Variants in PTPRJ observed in about 807,000 individuals in gnomAD.
The protein encoded by PTPRJ is protein tyrosine phosphatase receptor type J, also known as receptor-type tyrosine-protein phosphatase eta.
PTPRJ carries 129 observed loss-of-function variants against 141.3 expected under a neutral mutation model. That is an observed-to-expected ratio of 0.91 (90% CI 0.79 to 1.06). The LOEUF (loss-of-function observed/expected upper bound fraction) is 1.06, where lower values mean the gene tolerates loss of function less well. PTPRJ is among the 50% of genes least tolerant of loss of function. The pLI is 0.00. For missense variants in PTPRJ, 1,601 were observed against 1,679.7 expected (o/e 0.95, Z 0.82); for synonymous variants, 610 against 640.5 (o/e 0.95, Z 0.72).
rs200760986 is a variant in PTPRJ at position 48,083,857 on chromosome 11, A to T, written c.97-26201A>T. Among the ~76,000 whole-genome samples the T allele has an allele frequency of 4.6e-5, 7 of 152,334 alleles. No individual in the cohort carries two copies. In the East Asian group the frequency reaches 1.3e-3, roughly 29 times the overall value. ...CCTGGGACTCTTGGGGATTCCTGAG[A>T]TCCTTTTAGGGATCTGTGAGGTCTG... is the stretch of plus-strand genomic sequence containing the variant. On this transcript the variant is annotated intron_variant, in intron 1 of 24. Transcript: ENST00000418331.
intron 7 of PTPRJ, among the ~76,000 whole-genome samples, chr11:48,128,484 G>T (rs1856896260): frequency 6.6e-6 from 1 of 152,048 alleles, no homozygotes; most frequent in African/African-American, 2.4e-5. Flanking sequence ...ATCTTTGTTT[G>T]TTTAAATGTC....
At chr11:48,129,889 A>G (rs1332522699) in intron 7 of PTPRJ, among the ~76,000 whole-genome samples, 1 of 152,088 alleles carries the variant, frequency 6.6e-6, no homozygotes, top group African/African-American at 2.4e-5. Context: ...CTTAAAGGAC[A>G]CTTCCTAGAA....
At chr11:48,048,591 C>T (rs531495411) in intron 1 of PTPRJ, among the ~76,000 whole-genome samples, 4 of 152,138 alleles carry the variant, frequency 2.6e-5, no homozygotes, top group Middle Eastern at 3.4e-3. Context: ...CCCAGGAGTT[C>T]GACACCAGCC....
At chr11:48,021,327 T>TCACG (rs1260860675) in intron 1 of PTPRJ, among the ~76,000 whole-genome samples, 2 of 150,974 alleles carry the variant, frequency 1.3e-5, no homozygotes, top group African/African-American at 4.9e-5. Context: ...TGAGCCAAGA[T>TCACG]CACGCCATTG....
chr11:48,119,050 G>T (rs1195512111), intron 3 of PTPRJ, among the ~76,000 whole-genome samples: 1 of 150,682 alleles, frequency 6.6e-6, no homozygotes, highest in Non-Finnish European at 1.5e-5. Flanking sequence ...AGAAATAATG[G>T]TGCCATACCT....
At chr11:48,023,801 A>G (rs1281790251) in intron 1 of PTPRJ, among the ~76,000 whole-genome samples, 1 of 151,274 alleles carries the variant, frequency 6.6e-6, no homozygotes, top group Non-Finnish European at 1.5e-5. Context: ...TAAATAAATA[A>G]ATAAATAAAT....
chr11:48,074,976 G>C (rs186477295), intron 1 of PTPRJ, among the ~76,000 whole-genome samples: 2 of 152,086 alleles, frequency 1.3e-5, no homozygotes, highest in Non-Finnish European at 2.9e-5. Flanking sequence ...GCTGTCAGTC[G>C]TTTGGCCAGG....
At chr11:47,982,062 G>A (rs376320791) in intron 1 of PTPRJ, among the ~76,000 whole-genome samples, 1 of 151,516 alleles carries the variant, frequency 6.6e-6, no homozygotes, top group Non-Finnish European at 1.5e-5. Context: ...CTTCTCCAGC[G>A]CGAATACAGG....
Position 48,121,154 on chromosome 11 carries a change from A to C in PTPRJ, c.504A>C (p.Gln168His). 6.2e-7 allele frequency: 1 copy of C among 1,614,184 alleles called. No homozygotes were observed. The highest frequency in any genetic ancestry group is 8.5e-7 in the Non-Finnish European group (1 of 1,180,012). The change falls in exon 4 of 25, where the codon CAA becomes CAC. Residue 168 changes from glutamine (Q) to histidine (H), a missense_variant. Transcript: ENST00000418331. ...AGAAGACAATTACTGTTGTGCATCA[A>C]CCATGGTGTAACATCACAGGCTTAC... ...ENEKTITVVH[Q>H]PWCNITGLRP...
At chr11:47,982,358 G>A (rs186557186) in intron 1 of PTPRJ, among the ~76,000 whole-genome samples, 1 of 152,204 alleles carries the variant, frequency 6.6e-6, no homozygotes, top group Non-Finnish European at 1.5e-5. Flanking sequence ...AATGAGTATA[G>A]CACCCTCTGC....
rs1199100137 is a variant in PTPRJ, at chr11:48,001,131, C to CT, written c.96+20124dup. Among the ~76,000 whole-genome samples, 4 of 151,726 alleles carry CT rather than the reference C, an allele frequency of 2.6e-5. No individual in the cohort carries two copies. In the East Asian group the frequency reaches 7.7e-4, roughly 29 times the overall value. ...TCCTCAGCCTCCCCAGTAGTTGGGA[C>CT]TACAGGCATGTGCCATTACACCTAG... On this transcript the variant is annotated intron_variant, in intron 1 of 24. Transcript: ENST00000418331.
At chr11:48,014,285 A>T (rs1328728591) in intron 1 of PTPRJ, 2 of 152,186 alleles carry the variant, frequency 1.3e-5, no homozygotes, top group Non-Finnish European at 2.9e-5. Context: ...CTCTGGCCTG[A>T]ACAAAATCAA....
intron 1 of PTPRJ, among the ~76,000 whole-genome samples, chr11:48,085,006 G>A (rs1206228187): frequency 1.3e-5 from 2 of 152,140 alleles, no homozygotes; most frequent in South Asian, 2.1e-4. Flanking sequence ...CACATTCCAC[G>A]ATGCAGAGAA....
chr11:48,129,830 C>T (rs534093650), intron 7 of PTPRJ, among the ~76,000 whole-genome samples: 1 of 152,190 alleles, frequency 6.6e-6, no homozygotes, highest in African/African-American at 2.4e-5. Flanking sequence ...GTCATTGCAT[C>T]CACACTACAG....
intron 1 of PTPRJ, among the ~76,000 whole-genome samples, chr11:48,000,635 A>G (rs1306010389): frequency 1.3e-5 from 2 of 151,778 alleles, no homozygotes; most frequent in Non-Finnish European, 2.9e-5. Context: ...CACAGACTAC[A>G]GTCACCTGGC....
intron 3 of PTPRJ, among the ~76,000 whole-genome samples, 173 bp downstream of exon 3, chr11:48,113,156 T>A (rs1856482218): frequency 6.6e-6 from 1 of 152,200 alleles, no homozygotes; most frequent in African/African-American, 2.4e-5. Context: ...AAGAAAAGAA[T>A]AACAAGTAAA....
chr11:48,095,823 C>T (rs952144235), intron 1 of PTPRJ, among the ~76,000 whole-genome samples: 1 of 152,158 alleles, frequency 6.6e-6, no homozygotes. Flanking sequence ...TCAGGTGATC[C>T]ACCCACCTCG....
intron 1 of PTPRJ, among the ~76,000 whole-genome samples, chr11:48,050,893 T>C (rs896674025): frequency 2.0e-5 from 3 of 151,986 alleles, no homozygotes; most frequent in Non-Finnish European, 2.9e-5. Context: ...AGCAGGCAGC[T>C]TTTAGGGGGT....
At chr11:48,019,010 C>CGT (rs1346907588) in intron 1 of PTPRJ, among the ~76,000 whole-genome samples, 45 of 151,810 alleles carry the variant, frequency 3.0e-4, no homozygotes, top group African/African-American at 1.1e-3. Context: ...CGTGTACGTG[C>CGT]GTGTGTGTGT....
Sources: allele counts gnomAD v4.1 joint callset (sites outside exome capture counted in the v4.1 genomes callset), GRCh38; gene constraint gnomAD v4.1.1; transcripts MANE v1.5; gene names NCBI Gene and HGNC (gene_info 2026-07-23, HGNC 2026-07-21).